The following CDH13 variants were observed in gnomAD, a reference collection of about 807,000 sequenced individuals.
The protein encoded by CDH13 is cadherin-13.
CDH13 carries 24 observed loss-of-function variants against 63.8 expected under a neutral mutation model. That is an observed-to-expected ratio of 0.38 (90% confidence interval 0.27 to 0.53). The LOEUF (loss-of-function observed/expected upper bound fraction) is 0.53, where lower values mean the gene tolerates loss of function less well. Ranked by LOEUF, CDH13 falls within the 20% of genes least tolerant of loss-of-function variation. The pLI is 0.85. For missense variants in CDH13, 1,049 were observed against 903.1 expected (o/e 1.16, Z -2.07); for synonymous variants, 503 against 355.3 (o/e 1.42, Z -4.67).
chr16:83,058,423 T>C (rs2031176175), intron 3 of CDH13, among the ~76,000 whole-genome samples: 1 of 152,188 alleles, frequency 6.6e-6, no homozygotes, highest in Non-Finnish European at 1.5e-5. Context: ...TGTTTCAACA[T>C]GGGGGTACCA....
intron 5 of CDH13, among the ~76,000 whole-genome samples, chr16:83,327,295 A>T (rs1186922207): frequency 6.6e-6 from 1 of 152,212 alleles, no homozygotes; most frequent in East Asian, 1.9e-4. Context: ...CAATAACTTC[A>T]CTGAGCTTGG....
rs117980563 is a variant in CDH13 at position 83,595,769 on chromosome 16, C to T, written c.961-6685C>T. ...AGGACGCCTGAGCTGTACAGTCTAGCCCTATGCCCCTGGAACCCAAGGAAA... is the reference window on the plus strand; with the variant it reads ...AGGACGCCTGAGCTGTACAGTCTAGTCCTATGCCCCTGGAACCCAAGGAAA... On this transcript the variant is annotated intron_variant, in intron 7 of 13. Coordinates refer to ENST00000567109, the MANE Select transcript of CDH13 (RefSeq NM_001257.5). Among the ~76,000 whole-genome samples the T allele has an allele frequency of 1.8e-3, 281 of 152,318 alleles. 3 individuals are homozygous for T. The East Asian group carries it at 0.051, about 27-fold the overall frequency.
At chr16:83,166,106 T>C (rs1454746973) in intron 4 of CDH13, among the ~76,000 whole-genome samples, 1 of 152,100 alleles carries the variant, frequency 6.6e-6, no homozygotes, top group Non-Finnish European at 1.5e-5. Flanking sequence ...TGCTGACAAT[T>C]TGCAGTTGGT....
At chr16:82,884,189 A>G (rs1486716766) in intron 2 of CDH13, 2 of 455,870 alleles carry the variant, frequency 4.4e-6, no homozygotes, top group South Asian at 3.1e-5. Context: ...ATACAGATGT[A>G]TTCTACTAGC....
intron 7 of CDH13, among the ~76,000 whole-genome samples, chr16:83,490,710 C>G (rs144697782): frequency 2.0e-5 from 3 of 152,144 alleles, no homozygotes; most frequent in Non-Finnish European, 4.4e-5. Context: ...AGTTGAAAGG[C>G]GGGAAGGAAG....
chr16:83,008,432 G>A (rs1022660785), intron 2 of CDH13, among the ~76,000 whole-genome samples: 1 of 152,210 alleles, frequency 6.6e-6, no homozygotes, highest in Non-Finnish European at 1.5e-5. Context: ...GGCGGAGAAT[G>A]CCTGGGGGAT....
intron 2 of CDH13, among the ~76,000 whole-genome samples, chr16:82,989,299 G>C (rs1911357753): frequency 6.6e-6 from 1 of 152,188 alleles, no homozygotes; most frequent in South Asian, 2.1e-4. Context: ...GGTGTCCTCA[G>C]ACAAGCATAT....
intron 1 of CDH13, among the ~76,000 whole-genome samples, chr16:82,820,927 G>T (rs2037975071): frequency 6.6e-6 from 1 of 152,100 alleles, no homozygotes; most frequent in African/African-American, 2.4e-5. Flanking sequence ...GTGGAGTCTG[G>T]CCCGGTAAGT....
chr16:83,754,548 G>A (rs1486250768), intron 11 of CDH13, among the ~76,000 whole-genome samples: 1 of 152,202 alleles, frequency 6.6e-6, no homozygotes, highest in Non-Finnish European at 1.5e-5. Context: ...ATTCCCATGT[G>A]CTGTGGGAGG....
At chr16:83,061,924 C>T (rs1040502491) in intron 3 of CDH13, among the ~76,000 whole-genome samples, 1 of 152,140 alleles carries the variant, frequency 6.6e-6, no homozygotes. Flanking sequence ...GAAGGAGAGG[C>T]CCTCTAGAGA....
intron 3 of CDH13, among the ~76,000 whole-genome samples, chr16:83,101,798 A>G (rs2034491323): frequency 6.6e-6 from 1 of 152,150 alleles, no homozygotes; most frequent in Non-Finnish European, 1.5e-5. Flanking sequence ...CATCTCAATA[A>G]GGAAATAGTG....
chr16:83,284,461 A>G (rs2151859401), intron 5 of CDH13, among the ~76,000 whole-genome samples: 1 of 152,300 alleles, frequency 6.6e-6, no homozygotes, highest in South Asian at 2.1e-4. Flanking sequence ...TACTTAGTGA[A>G]CTCTCAAAAA....
intron 1 of CDH13, among the ~76,000 whole-genome samples, chr16:82,763,058 C>G (rs1182308685): frequency 6.6e-6 from 1 of 152,160 alleles, no homozygotes; most frequent in Non-Finnish European, 1.5e-5. Flanking sequence ...TTTATATAAG[C>G]ATGTGAGTAT....
chr16:83,345,038 G>A, intron 6 of CDH13, 32 bp downstream of exon 6: 1 of 1,605,334 alleles, frequency 6.2e-7, no homozygotes, highest in South Asian at 1.1e-5. Context: ...TTAGCGTAAT[G>A]GCTTGGAAAG....
chr16:83,458,070 A>G (rs912864855), intron 6 of CDH13, among the ~76,000 whole-genome samples: 7 of 152,156 alleles, frequency 4.6e-5, no homozygotes, highest in African/African-American at 7.2e-5. Context: ...GAACTCACCC[A>G]CTGTCGCCAT....
intron 1 of CDH13, among the ~76,000 whole-genome samples, chr16:82,748,518 G>C (rs1449832943): frequency 1.3e-5 from 2 of 152,162 alleles, no homozygotes; most frequent in Non-Finnish European, 2.9e-5. Flanking sequence ...TATCTGTTCT[G>C]TTGGTGGTGG....
At chr16:83,007,034 C>A (rs1010534951) in intron 2 of CDH13, among the ~76,000 whole-genome samples, 8 of 152,028 alleles carry the variant, frequency 5.3e-5, no homozygotes, top group African/African-American at 1.9e-4. Flanking sequence ...GGCGATTTTC[C>A]TGCCTCAACT....
At chr16:83,636,833 C>G (rs1911308414) in intron 8 of CDH13, among the ~76,000 whole-genome samples, 1 of 152,150 alleles carries the variant, frequency 6.6e-6, no homozygotes, top group Non-Finnish European at 1.5e-5. Flanking sequence ...GAGAAATGTC[C>G]AGACTGCTCT....
At chr16:83,123,255 A>AATAT (rs141492339) in intron 3 of CDH13, among the ~76,000 whole-genome samples, 21 of 149,352 alleles carry the variant, frequency 1.4e-4, no homozygotes, top group African/African-American at 4.2e-4. Context: ...TATAGATACA[A>AATAT]ATATATATAT....
Sources: allele counts gnomAD v4.1 joint callset (sites outside exome capture counted in the v4.1 genomes callset), GRCh38; gene constraint gnomAD v4.1.1; transcripts MANE v1.5; gene names NCBI Gene and HGNC (gene_info 2026-07-23, HGNC 2026-07-21).